ADCY3: variants seen among roughly 807,000 people sequenced by gnomAD.
ADCY3 encodes adenylate cyclase type 3.
A neutral mutation model predicts 119.4 loss-of-function variants in ADCY3; 70 were observed. That is an observed-to-expected ratio of 0.59 (90% CI 0.48 to 0.72). ADCY3 has a LOEUF of 0.72. Among genes scored for constraint, ADCY3 ranks in the 30% least tolerant of loss-of-function variants. ADCY3 has a pLI of 0.00. For missense variants in ADCY3, 1,238 were observed against 1,541.6 expected (o/e 0.80, Z 3.30); for synonymous variants, 672 against 621.4 (o/e 1.08, Z -1.21).
intron 8 of ADCY3, among the ~76,000 whole-genome samples, chr2:24,837,632 C>G (rs1670471230): frequency 6.6e-6 from 1 of 152,186 alleles, no homozygotes; most frequent in Non-Finnish European, 1.5e-5. Flanking sequence ...GTTAGATGGA[C>G]TCTCATAACT....
In ADCY3 at chr2:24,819,926, G is replaced by A. The variant is rs560506417; in HGVS notation, c.*6C>T. On this transcript the variant is annotated 3_prime_UTR_variant, in exon 22 of 22. Coordinates refer to ENST00000679454, the MANE Select transcript of ADCY3 (RefSeq NM_004036.5). ...CCGGTTTGGACTGTTGCAGGCTCGA[G>A]GCCATTCAGGAGTTGTCCACCACCT... 1.3e-4 allele frequency: 208 copies of A among 1,613,084 alleles called. 4 individuals carry two copies. The South Asian group carries it at 2.0e-3, about 15-fold the overall frequency.
At chr2:24,867,432 G>A (rs780748016) in intron 3 of ADCY3, among the ~76,000 whole-genome samples, 4 of 152,162 alleles carry the variant, frequency 2.6e-5, no homozygotes. Flanking sequence ...TTTTAAAAGG[G>A]GCATCACATA....
At chr2:24,917,024 T>C (rs1054657216) in intron 2 of ADCY3, among the ~76,000 whole-genome samples, 2 of 152,256 alleles carry the variant, frequency 1.3e-5, no homozygotes, top group Non-Finnish European at 2.9e-5. Context: ...CTGGGCTAGA[T>C]GCCCTGCCAG....
intron 6 of ADCY3, chr2:24,840,404 C>G (rs1290302266): frequency 2.6e-6 from 1 of 391,608 alleles, no homozygotes; most frequent in Non-Finnish European, 5.2e-6. Flanking sequence ...TAGCCGTGAA[C>G]AGCCCCCTGC....
At chr2:24,863,352 C>A (rs1050853610) in intron 3 of ADCY3, among the ~76,000 whole-genome samples, 3 of 152,134 alleles carry the variant, frequency 2.0e-5, no homozygotes, top group African/African-American at 7.2e-5. Flanking sequence ...ACACTTTTCT[C>A]CTGTGCTGGA....
At position 24,819,660 on chromosome 2, in the gene ADCY3, CA is replaced by C. The variant is rs1667240839; in HGVS notation, c.*271del. The C allele has an allele frequency of 2.8e-6, 1 of 357,888 alleles. No homozygotes were observed. The highest frequency in any genetic ancestry group is 4.4e-5 in the Admixed American group (1 of 22,540). The allele number at this position is 357,888 out of a possible 1,614,324, so 22.2% of individuals were successfully genotyped here. A position where few individuals can be genotyped will look rare whatever the true frequency, so the allele number is the denominator to read the frequency against. ...CCTGCTCACAGTGGTCAGGGCCCCT[CA>C]GGGGCAAGGACGGCAGGGATTGGAA... is the stretch of plus-strand genomic sequence containing the variant. On this transcript the variant is annotated 3_prime_UTR_variant, in exon 22 of 22. Coordinates refer to ENST00000679454, the MANE Select transcript of ADCY3 (RefSeq NM_004036.5).
At chr2:24,902,080 GGTT>G (rs1232690025) in intron 2 of ADCY3, among the ~76,000 whole-genome samples, 3 of 112,348 alleles carry the variant, frequency 2.7e-5, no homozygotes, top group Non-Finnish European at 5.6e-5. Flanking sequence ...GTGTGTATTT[GGTT>G]TTTTTTTTTT....
Position 24,827,996 on chromosome 2 carries a change from T to A in ADCY3, c.2338A>T (p.Met780Leu), listed in dbSNP as rs1668866824. Residue 780 changes from methionine (M) to leucine (L), a missense_variant, in exon 14 of 22, where the codon ATG becomes TTG. Physicochemically the swap from Met to Leu is conservative, Grantham distance 15. This residue lies in a region of ADCY3 where 499 missense variants were observed against 571.0 expected (regional missense o/e 0.87). Coordinates refer to ENST00000679454, the MANE Select transcript of ADCY3 (RefSeq NM_004036.5). ...GCCACGGCGCCTGCGACGAGCAGCA[T>A]GAGCGTGAGCTTCACCATGTGGCTG... is the stretch of plus-strand genomic sequence containing the variant. ...QVSHMVKLTL[M>L]LLVAGAVATI... The A allele has an allele frequency of 3.1e-6, 5 of 1,614,250 alleles. No homozygotes were observed. Among genetic ancestry groups the A allele is most frequent in the Non-Finnish European group, 4.2e-6 (5 of 1,180,034 alleles).
At chr2:24,910,733 G>T (rs1481975071) in intron 2 of ADCY3, among the ~76,000 whole-genome samples, 2 of 143,190 alleles carry the variant, frequency 1.4e-5, no homozygotes, top group Non-Finnish European at 3.0e-5. Flanking sequence ...TGCACTCTCT[G>T]CCTCCCAAGT....
intron 3 of ADCY3, among the ~76,000 whole-genome samples, chr2:24,860,224 C>T (rs537655987): frequency 5.3e-5 from 8 of 152,186 alleles, no homozygotes; most frequent in Non-Finnish European, 8.8e-5. Context: ...TGCCAGGTGG[C>T]GGCTGGGGTG....
intron 3 of ADCY3, among the ~76,000 whole-genome samples, chr2:24,847,740 G>A (rs1218727341): frequency 1.3e-5 from 2 of 152,218 alleles, no homozygotes; most frequent in East Asian, 1.9e-4. Context: ...CAGAAAAGAT[G>A]AGCCTCTAGG....
chr2:24,916,604 C>T (rs1377409038), intron 2 of ADCY3, among the ~76,000 whole-genome samples: 1 of 152,184 alleles, frequency 6.6e-6, no homozygotes, highest in African/African-American at 2.4e-5. Flanking sequence ...ATAGCTTGAA[C>T]CTGGGAGGCG....
chr2:24,891,561 G>A (rs1287548270), intron 2 of ADCY3, among the ~76,000 whole-genome samples: 2 of 152,204 alleles, frequency 1.3e-5, no homozygotes. Context: ...AAGCCATAAA[G>A]CGTTTCCTTT....
At chr2:24,914,377 C>T (rs904054549) in intron 2 of ADCY3, among the ~76,000 whole-genome samples, 1 of 152,164 alleles carries the variant, frequency 6.6e-6, no homozygotes, top group Non-Finnish European at 1.5e-5. Context: ...ATCTCTGTTT[C>T]GTCCTCTGTT....
chr2:24,837,458 A>G (rs1307196390), intron 8 of ADCY3, among the ~76,000 whole-genome samples: 5 of 152,236 alleles, frequency 3.3e-5, no homozygotes, highest in African/African-American at 1.2e-4. Flanking sequence ...ACTGGATGAG[A>G]CTGACATCGA....
intron 21 of ADCY3, 45 bp from the exon 22 acceptor site, chr2:24,820,159 C>CGTGGCGT: frequency 8.9e-7 from 1 of 1,127,430 alleles, no homozygotes; most frequent in East Asian, 2.8e-5. Flanking sequence ...CGGGGGGAGC[C>CGTGGCGT]TAGACTGAGG....
At position 24,916,409 on chromosome 2, in the gene ADCY3, C is replaced by T. The variant is rs1664457114; in HGVS notation, c.675+1904G>A. ...GACCTTAGAACCTGGGATGCCTGGGCATGGTGGCTCACGCCTGTAATCCCA... is the reference window on the plus strand; with the variant it reads ...GACCTTAGAACCTGGGATGCCTGGGTATGGTGGCTCACGCCTGTAATCCCA... On this transcript the variant is annotated intron_variant, in intron 2 of 21. Transcript: ENST00000679454. 3.9e-5 allele frequency among the ~76,000 whole-genome samples: 6 copies of T among 152,216 alleles called. No homozygotes were observed. The South Asian group carries it at 1.2e-3, about 31-fold the overall frequency.
Position 24,898,372 on chromosome 2 carries a change from G to C in ADCY3, c.675+19941C>G, listed in dbSNP as rs538909161. ...GGAAGGGAGTGGACCTACTGTCTGC[G>C]GGATGGGAGTCGGGACACTGACTGT... On this transcript the variant is annotated intron_variant, in intron 2 of 21. Transcript: ENST00000679454. This position sits in a 1 kb window ranked among gnomAD's most constrained non-coding sequence, Gnocchi z 4.3. Among the ~76,000 whole-genome samples the C allele has an allele frequency of 2.0e-5, 3 of 152,056 alleles. No individual in the cohort carries two copies. The highest frequency in any genetic ancestry group is 6.6e-5 in the Admixed American group (1 of 15,266).
intron 2 of ADCY3, among the ~76,000 whole-genome samples, chr2:24,892,013 A>G (rs1457528597): frequency 1.3e-5 from 2 of 152,216 alleles, no homozygotes; most frequent in Non-Finnish European, 2.9e-5. Context: ...TAAGCATTTA[A>G]TGCTACAAAT....
Sources: gnomAD v4.1 joint callset for allele counts (sites outside exome capture counted in the v4.1 genomes callset) on GRCh38, gnomAD v4.1.1 for gene constraint, gnomAD v4.1.1 regional missense constraint, Gnocchi (gnomAD v3.1) non-coding constraint, MANE v1.5 for transcripts, NCBI Gene and HGNC (gene_info 2026-07-23, HGNC 2026-07-21) for gene names.